Variants in SDK2 observed in about 807,000 individuals in gnomAD.
The protein encoded by SDK2 is protein sidekick-2.
In SDK2, 105 loss-of-function variants were observed where a neutral mutation model predicts 253.9. The ratio of observed to expected loss-of-function variants is 0.41; its 90% CI spans 0.35 to 0.49. The LOEUF (loss-of-function observed/expected upper bound fraction) is 0.49. SDK2 is among the 20% of genes least tolerant of loss of function. The pLI, the probability that SDK2 is intolerant of heterozygous loss-of-function variation, is 0.06. For synonymous variants in SDK2, 1,249 were observed against 1,234.9 expected (o/e 1.01, Z -0.24); for missense variants, 2,608 against 3,003.0 (o/e 0.87, Z 3.07).
chr17:73,463,110 G>A (rs1464142836), intron 3 of SDK2, among the ~76,000 whole-genome samples: 1 of 152,128 alleles, frequency 6.6e-6, no homozygotes, highest in Non-Finnish European at 1.5e-5. Context: ...GATCCCCTGG[G>A]AAAACTCACT....
At chr17:73,535,146 C>T (rs2044753216) in intron 1 of SDK2, among the ~76,000 whole-genome samples, 2 of 152,224 alleles carry the variant, frequency 1.3e-5, no homozygotes, top group South Asian at 2.1e-4. Flanking sequence ...GACGCCAAGC[C>T]TCATCCATGT....
intron 3 of SDK2, among the ~76,000 whole-genome samples, chr17:73,458,858 G>A (rs1354560581): frequency 6.6e-6 from 1 of 152,146 alleles, no homozygotes; most frequent in Non-Finnish European, 1.5e-5. Flanking sequence ...ACAAAAATTA[G>A]CCGAGCATGG....
chr17:73,635,824 C>T (rs1350354271), intron 1 of SDK2, among the ~76,000 whole-genome samples: 1 of 152,156 alleles, frequency 6.6e-6, no homozygotes, highest in African/African-American at 2.4e-5. Flanking sequence ...GGGAACTCCT[C>T]AAATAGCTTT....
In SDK2 at chr17:73,643,961, G is replaced by GCCCCCCCCCCC; in HGVS notation, c.64+63_64+64insGGGGGGGGGGG. ...GTCACCGTGAGGCCGGCCAGCTCCC[G>GCCCCCCCCCCC]CCGCCCCTCCCCCGCCCACTCTCCC... On this transcript the variant is annotated intron_variant, in intron 1 of 44. Transcript: ENST00000392650. This position sits in a 1 kb window ranked among gnomAD's most constrained non-coding sequence, Gnocchi z 6.9. The GCCCCCCCCCCC allele has an allele frequency of 9.7e-6, 5 of 514,828 alleles. No individual in the cohort carries two copies. The highest frequency in any genetic ancestry group is 1.6e-5 in the South Asian group (1 of 62,608). The allele number at this position is 514,828 out of a possible 1,614,324, so 31.9% of individuals were successfully genotyped here.
At chr17:73,613,996 C>T (rs1437322893) in intron 1 of SDK2, among the ~76,000 whole-genome samples, 2 of 152,254 alleles carry the variant, frequency 1.3e-5, no homozygotes, top group Non-Finnish European at 2.9e-5. Flanking sequence ...AAAGAAAACA[C>T]CACTGCTCCT....
At chr17:73,471,663 T>C (rs1019370316) in intron 3 of SDK2, among the ~76,000 whole-genome samples, 6 of 152,100 alleles carry the variant, frequency 3.9e-5, no homozygotes, top group Non-Finnish European at 7.4e-5. Flanking sequence ...AAGAGGGTTG[T>C]AGCTGGAGAG....
chr17:73,585,848 T>C (rs1209599462), intron 1 of SDK2, among the ~76,000 whole-genome samples: 3 of 152,180 alleles, frequency 2.0e-5, no homozygotes, highest in Non-Finnish European at 4.4e-5. Context: ...ACTAGACCCC[T>C]CTGAGCTCCA....
chr17:73,457,247 CT>C (rs2063532532), intron 3 of SDK2, among the ~76,000 whole-genome samples: 1 of 58,350 alleles, frequency 1.7e-5, no homozygotes, highest in South Asian at 8.9e-4. Flanking sequence ...TCCTTCCTTC[CT>C]TCCTTCCTTC....
chr17:73,530,450 A>G lies in SDK2; in HGVS notation c.65-22853T>C, dbSNP rs144782482. Among the ~76,000 whole-genome samples, 1,491 of 152,164 alleles carry G rather than the reference A, an allele frequency of 9.8e-3. 25 individuals carry two copies. Among genetic ancestry groups the G allele is most frequent in the African/African-American group, 0.034 (1,419 of 41,486 alleles). On this transcript the variant is annotated intron_variant, in intron 1 of 44. Coordinates refer to ENST00000392650, the MANE Select transcript of SDK2 (RefSeq NM_001144952.2). ...TGGGGGAAACCGTCCCCATGATCCA[A>G]TCACCTCCCACAAAGTCCCTCCCTC...
At chr17:73,477,790 C>CATGT (rs2063696535) in intron 2 of SDK2, among the ~76,000 whole-genome samples, 1 of 152,128 alleles carries the variant, frequency 6.6e-6, no homozygotes, top group African/African-American at 2.4e-5. Flanking sequence ...CAGTCACCTC[C>CATGT]ATGTGCCTCC....
chr17:73,592,026 G>C (rs1034518566), intron 1 of SDK2, among the ~76,000 whole-genome samples: 2 of 152,214 alleles, frequency 1.3e-5, no homozygotes, highest in East Asian at 1.9e-4. Context: ...ACCCACATGA[G>C]GGGGGAGTTG....
At chr17:73,579,719 G>A (rs1267565573) in intron 1 of SDK2, among the ~76,000 whole-genome samples, 1 of 152,182 alleles carries the variant, frequency 6.6e-6, no homozygotes, top group East Asian at 1.9e-4. Flanking sequence ...GCTCACGCCT[G>A]TAATCCCAGC....
intron 44 of SDK2, among the ~76,000 whole-genome samples, chr17:73,342,919 G>T (rs2062451268): frequency 6.6e-6 from 1 of 152,210 alleles, no homozygotes; most frequent in Non-Finnish European, 1.5e-5. Flanking sequence ...GTGGGAAAGG[G>T]AAGAGATGGA....
At chr17:73,396,815 G>T (rs1236281753) in intron 24 of SDK2, among the ~76,000 whole-genome samples, 2 of 152,178 alleles carry the variant, frequency 1.3e-5, no homozygotes, top group African/African-American at 2.4e-5. Context: ...CCTGGGGTGG[G>T]GATGCCTGGG....
At chr17:73,586,622 G>A (rs2045606891) in intron 1 of SDK2, among the ~76,000 whole-genome samples, 1 of 152,024 alleles carries the variant, frequency 6.6e-6, no homozygotes, top group Non-Finnish European at 1.5e-5. Flanking sequence ...GGGTGGTCTT[G>A]TGTTGGGGGC....
Position 73,611,884 on chromosome 17 carries a change from C to T in SDK2, c.64+32141G>A, listed in dbSNP as rs929090430. Among the ~76,000 whole-genome samples, 4 of 152,256 alleles carry T rather than the reference C, an allele frequency of 2.6e-5. No homozygotes were observed. The South Asian group carries it at 8.3e-4, about 32-fold the overall frequency. On this transcript the variant is annotated intron_variant, in intron 1 of 44. Transcript: ENST00000392650. ...CCCAGGGTCAGATGAAAGTATCTCCCGGCTCTGGGCTTGGACAGAAACTGA... is the reference window on the plus strand; with the variant it reads ...CCCAGGGTCAGATGAAAGTATCTCCTGGCTCTGGGCTTGGACAGAAACTGA...
In SDK2 at chr17:73,525,063, T is replaced by C. The variant is rs192302060; in HGVS notation, c.65-17466A>G. On this transcript the variant is annotated intron_variant, in intron 1 of 44. Transcript: ENST00000392650. ...GGCCCTGGGCAGCCAGGCTACTTCTTTGGGCCTCATTCCCTTTAGGGCATG... is the reference window on the plus strand; with the variant it reads ...GGCCCTGGGCAGCCAGGCTACTTCTCTGGGCCTCATTCCCTTTAGGGCATG... 2.2e-3 allele frequency among the ~76,000 whole-genome samples: 332 copies of C among 152,336 alleles called. 8 individuals carry two copies. Among genetic ancestry groups the C allele is most frequent in the Admixed American group, 0.021 (328 of 15,306 alleles).
intron 36 of SDK2, among the ~76,000 whole-genome samples, chr17:73,371,002 T>C (rs967009492): frequency 3.3e-5 from 5 of 151,958 alleles, no homozygotes; most frequent in African/African-American, 1.2e-4. Flanking sequence ...AGGTGAAGGT[T>C]GCAGTGAGCT....
intron 36 of SDK2, among the ~76,000 whole-genome samples, chr17:73,373,401 T>C (rs924754955): frequency 6.6e-6 from 1 of 152,222 alleles, no homozygotes; most frequent in African/African-American, 2.4e-5. Context: ...TGCTGGATCA[T>C]TGGAGTTCTA....
Sources: gnomAD v4.1 joint callset for allele counts (sites outside exome capture counted in the v4.1 genomes callset) on GRCh38, gnomAD v4.1.1 for gene constraint, Gnocchi (gnomAD v3.1) non-coding constraint, MANE v1.5 for transcripts, NCBI Gene and HGNC (gene_info 2026-07-23, HGNC 2026-07-21) for gene names.